Variants in SLC14A2 observed in about 807,000 individuals in gnomAD.
SLC14A2 encodes urea transporter 2.
Under a neutral mutation model 104.6 loss-of-function variants are expected in SLC14A2, and 91 were observed. The observed-to-expected ratio is 0.87, with a 90% CI of 0.73 to 1.04. The LOEUF (loss-of-function observed/expected upper bound fraction) is 1.04. SLC14A2 is among the 50% of genes least tolerant of loss of function. The pLI, the probability that SLC14A2 is intolerant of heterozygous loss-of-function variation, is 0.00. For synonymous variants in SLC14A2, 476 were observed against 466.4 expected (o/e 1.02, Z -0.27); for missense variants, 1,189 against 1,156.0 (o/e 1.03, Z -0.41).
chr18:45,539,193 A>AT (rs2043846919), intron 2 of SLC14A2, among the ~76,000 whole-genome samples: 1 of 151,398 alleles, frequency 6.6e-6, no homozygotes, highest in African/African-American at 2.4e-5. Context: ...TCAGGTGGGA[A>AT]TCTTCAGACA....
chr18:45,499,890 C>T (rs1343023218), intron 2 of SLC14A2, among the ~76,000 whole-genome samples: 3 of 152,122 alleles, frequency 2.0e-5, no homozygotes, highest in Admixed American at 6.5e-5. Context: ...AGGGCGCCTG[C>T]CATTTCTCAT....
chr18:45,484,635 G>C (rs1229719821), intron 2 of SLC14A2, among the ~76,000 whole-genome samples: 3 of 152,192 alleles, frequency 2.0e-5, no homozygotes, highest in Non-Finnish European at 4.4e-5. Flanking sequence ...TTTCAAGGTT[G>C]TTCTCCACTG....
rs112521663 is a variant in SLC14A2 at position 45,472,798 on chromosome 18, T to C, written c.-124-10435T>C. On this transcript the variant is annotated intron_variant, in intron 1 of 20. Coordinates refer to the SLC14A2 transcript ENST00000586448. ...TTAGCCCTTTGTCAGATGGATAGAATGCAAAAATTTTCTTCCATTCTGCAG... is the reference window on the plus strand; with the variant it reads ...TTAGCCCTTTGTCAGATGGATAGAACGCAAAAATTTTCTTCCATTCTGCAG... 7.8e-3 allele frequency among the ~76,000 whole-genome samples: 1,192 copies of C among 152,320 alleles called. 22 individuals are homozygous for C. Among genetic ancestry groups the C allele is most frequent in the African/African-American group, 0.027 (1,112 of 41,566 alleles).
chr18:45,237,843 G>T (rs562224267), intron 1 of SLC14A2, among the ~76,000 whole-genome samples: 4 of 152,342 alleles, frequency 2.6e-5, no homozygotes, highest in Admixed American at 2.6e-4. Context: ...GGAGTGCCTT[G>T]TCCTGGCTCC....
intron 2 of SLC14A2, among the ~76,000 whole-genome samples, chr18:45,565,337 G>A (rs2044252028): frequency 6.6e-6 from 1 of 152,040 alleles, no homozygotes; most frequent in African/African-American, 2.4e-5. Context: ...CGTTAGCCAG[G>A]ATGGTCTTGA....
At position 45,476,296 on chromosome 18, in the gene SLC14A2, T is replaced by C. The variant is rs140392849; in HGVS notation, c.-124-6937T>C. On this transcript the variant is annotated intron_variant, in intron 1 of 20. Coordinates refer to the SLC14A2 transcript ENST00000586448. ...TGAAAACTCTTTGTTTTAAGAATTT[T>C]GAATATTGGCCCCCACTCTCTTCTG... 4.8e-4 allele frequency among the ~76,000 whole-genome samples: 73 copies of C among 152,336 alleles called. 1 individual carries two copies. The East Asian group carries it at 0.014, about 29-fold the overall frequency.
At chr18:45,581,357 G>A (rs917890470) in intron 2 of SLC14A2, among the ~76,000 whole-genome samples, 21 of 152,190 alleles carry the variant, frequency 1.4e-4, no homozygotes, top group African/African-American at 4.6e-4. Flanking sequence ...CCTCTGGGAT[G>A]TCCAGGCTCA....
chr18:45,478,777 A>G (rs567424366), intron 1 of SLC14A2, among the ~76,000 whole-genome samples: 2 of 152,026 alleles, frequency 1.3e-5, no homozygotes, highest in Non-Finnish European at 2.9e-5. Context: ...ACCTTTTTCC[A>G]GAAAAAAAAA....
chr18:45,383,422 G>C (rs1244849134), intron 1 of SLC14A2, among the ~76,000 whole-genome samples: 2 of 152,146 alleles, frequency 1.3e-5, no homozygotes. Flanking sequence ...GCTGAGTTTA[G>C]ATGGTCTTAG....
chr18:45,439,526 G>T (rs1297115782), intron 1 of SLC14A2, among the ~76,000 whole-genome samples: 1 of 152,116 alleles, frequency 6.6e-6, no homozygotes, highest in African/African-American at 2.4e-5. Flanking sequence ...CACCATGGTA[G>T]GTGTTGAGGA....
chr18:45,370,986 T>C (rs2085716768), intron 1 of SLC14A2, among the ~76,000 whole-genome samples: 1 of 152,168 alleles, frequency 6.6e-6, no homozygotes, highest in Admixed American at 6.5e-5. Flanking sequence ...CAAGATCCGA[T>C]TGCCAATAGC....
At chr18:45,169,385 C>G in the SLC14A2 span, among the ~76,000 whole-genome samples, 1 of 152,144 alleles carries the variant, frequency 6.6e-6, no homozygotes, top group Admixed American at 6.5e-5. Context: ...TTACACAACT[C>G]ACTCTATAAT....
At chr18:45,294,618 T>G (rs1251681915) in intron 1 of SLC14A2, among the ~76,000 whole-genome samples, 1 of 152,266 alleles carries the variant, frequency 6.6e-6, no homozygotes, top group Non-Finnish European at 1.5e-5. Context: ...TATGTTGTCT[T>G]CTGCAGAGGA....
intron 2 of SLC14A2, among the ~76,000 whole-genome samples, chr18:45,559,374 G>A (rs1206687027): frequency 6.6e-6 from 1 of 152,200 alleles, no homozygotes; most frequent in Non-Finnish European, 1.5e-5. Flanking sequence ...GCTCTGATGA[G>A]ATGGTAGAGT....
At chr18:45,665,808 C>T (rs1172503141) in intron 11 of SLC14A2, among the ~76,000 whole-genome samples, 1 of 145,908 alleles carries the variant, frequency 6.9e-6, no homozygotes, top group Non-Finnish European at 1.5e-5. Flanking sequence ...CTGCTGTTTC[C>T]TCATCTAAAA....
chr18:45,534,791 C>A (rs1253531776), intron 2 of SLC14A2, among the ~76,000 whole-genome samples: 1 of 152,128 alleles, frequency 6.6e-6, no homozygotes, highest in East Asian at 1.9e-4. Flanking sequence ...TGAAAGGTGA[C>A]CCTGAGATCA....
At chr18:45,343,788 G>A (rs1363008200) in intron 1 of SLC14A2, among the ~76,000 whole-genome samples, 1 of 152,118 alleles carries the variant, frequency 6.6e-6, no homozygotes, top group Non-Finnish European at 1.5e-5. Flanking sequence ...CTTAGAAATT[G>A]CAGGCACCAT....
chr18:45,581,937 T>C (rs1305945613), intron 2 of SLC14A2, among the ~76,000 whole-genome samples: 2 of 152,350 alleles, frequency 1.3e-5, no homozygotes, highest in East Asian at 1.9e-4. Context: ...GTTTATTTTC[T>C]GTTGCTATAC....
At chr18:45,603,639 G>A (rs956311535) in intron 2 of SLC14A2, among the ~76,000 whole-genome samples, 2 of 151,900 alleles carry the variant, frequency 1.3e-5, no homozygotes, top group African/African-American at 4.8e-5. Context: ...TTCAACCCTC[G>A]GCTCTCATCC....
Sources: allele counts gnomAD v4.1 joint callset (sites outside exome capture counted in the v4.1 genomes callset), GRCh38; gene constraint gnomAD v4.1.1; transcripts MANE v1.5; gene names NCBI Gene and HGNC (gene_info 2026-07-23, HGNC 2026-07-21).